The following DNAJC1 variants were observed in gnomAD, a reference collection of about 807,000 sequenced individuals.
DNAJC1 encodes the protein DnaJ heat shock protein family (Hsp40) member C1.
Under a neutral mutation model 76.6 loss-of-function variants are expected in DNAJC1, and 58 were observed. The observed-to-expected ratio is 0.76, with a 90% CI of 0.61 to 0.94. The LOEUF (loss-of-function observed/expected upper bound fraction) is 0.94, where lower values mean the gene tolerates loss of function less well. Among genes scored for constraint, DNAJC1 ranks in the 40% least tolerant of loss-of-function variants. DNAJC1 has a pLI of 0.00. For synonymous variants in DNAJC1, 258 were observed against 267.9 expected (o/e 0.96, Z 0.36); for missense variants, 689 against 677.3 (o/e 1.02, Z -0.19).
intron 7 of DNAJC1, among the ~76,000 whole-genome samples, chr10:21,887,414 G>C (rs962738913): frequency 5.9e-5 from 9 of 152,030 alleles, no homozygotes; most frequent in Non-Finnish European, 1.2e-4. Flanking sequence ...AAATGAAAAA[G>C]AGCCTGAATA....
At chr10:21,802,111 CAT>C (rs1035068153) in intron 9 of DNAJC1, among the ~76,000 whole-genome samples, 31 of 152,146 alleles carry the variant, frequency 2.0e-4, no homozygotes, top group South Asian at 1.7e-3. Context: ...CAAACCTGCA[CAT>C]GTTTTCTAAA....
intron 8 of DNAJC1, among the ~76,000 whole-genome samples, chr10:21,853,782 C>T: frequency 2.1e-5 from 2 of 94,560 alleles, no homozygotes. Flanking sequence ...AATGAGACTC[C>T]ATCTCAAAAA....
At chr10:21,772,999 T>C (rs1834406633) in intron 9 of DNAJC1, among the ~76,000 whole-genome samples, 1 of 152,046 alleles carries the variant, frequency 6.6e-6, no homozygotes, top group Non-Finnish European at 1.5e-5. Context: ...AACCAGATCT[T>C]GTGAGACCTC....
chr10:21,838,276 T>G (rs569434187), intron 8 of DNAJC1, among the ~76,000 whole-genome samples: 1 of 152,364 alleles, frequency 6.6e-6, no homozygotes, highest in South Asian at 2.1e-4. Context: ...TGTTCTGTAC[T>G]AAGAAAAATT....
intron 8 of DNAJC1, among the ~76,000 whole-genome samples, chr10:21,847,513 C>G (rs1371363676): frequency 1.3e-5 from 2 of 152,062 alleles, no homozygotes; most frequent in Admixed American, 6.5e-5. Context: ...GTCACTCTAC[C>G]ATGCCATCAA....
chr10:21,769,561 A>G (rs1190590426), intron 9 of DNAJC1, among the ~76,000 whole-genome samples: 1 of 152,264 alleles, frequency 6.6e-6, no homozygotes, highest in Non-Finnish European at 1.5e-5. Flanking sequence ...ATAGAAGAAG[A>G]AACAAGCCAA....
chr10:21,758,086 C>G (rs66572733), intron 11 of DNAJC1, among the ~76,000 whole-genome samples: 16,656 of 152,134 alleles, frequency 0.11, 1,802 homozygotes, highest in African/African-American at 0.28. Context: ...AACAGCTAAC[C>G]GTTTATTTTT....
chr10:21,967,052 T>C (rs989903144), intron 1 of DNAJC1, among the ~76,000 whole-genome samples: 3 of 151,636 alleles, frequency 2.0e-5, no homozygotes, highest in African/African-American at 7.3e-5. Context: ...CAAAATTTTT[T>C]ACAGTCTTAC....
intron 8 of DNAJC1, among the ~76,000 whole-genome samples, chr10:21,816,691 G>A (rs1270754836): frequency 2.0e-5 from 3 of 150,528 alleles, no homozygotes; most frequent in African/African-American, 7.3e-5. Context: ...AACTACAGGC[G>A]CCACCCACCA....
intron 8 of DNAJC1, among the ~76,000 whole-genome samples, chr10:21,847,722 C>T (rs1039526712): frequency 4.6e-5 from 7 of 152,110 alleles, no homozygotes; most frequent in African/African-American, 1.7e-4. Flanking sequence ...TTAAAATTAA[C>T]ATAACGTCCT....
At chr10:21,906,042 G>A (rs1836740167) in intron 6 of DNAJC1, among the ~76,000 whole-genome samples, 1 of 151,872 alleles carries the variant, frequency 6.6e-6, no homozygotes, top group Non-Finnish European at 1.5e-5. Flanking sequence ...TTTTCCTGGG[G>A]GTCTGTGTCT....
chr10:21,888,226 CA>C (rs1564818008), intron 7 of DNAJC1, among the ~76,000 whole-genome samples: 1 of 152,024 alleles, frequency 6.6e-6, no homozygotes. Context: ...ACTAAAAGGT[CA>C]AAAAATAACA....
intron 7 of DNAJC1, among the ~76,000 whole-genome samples, chr10:21,884,249 T>C (rs1836332383): frequency 6.6e-6 from 1 of 152,084 alleles, no homozygotes; most frequent in South Asian, 2.1e-4. Flanking sequence ...TAGAAAAATA[T>C]AGGCAAAAGG....
At chr10:21,975,573 A>C (rs879620387) in intron 1 of DNAJC1, among the ~76,000 whole-genome samples, 1 of 152,196 alleles carries the variant, frequency 6.6e-6, no homozygotes, top group Non-Finnish European at 1.5e-5. Flanking sequence ...AGAAAGTGCC[A>C]CTAGAGTGGC....
chr10:21,986,604 T>G (rs1057260841), intron 1 of DNAJC1, among the ~76,000 whole-genome samples: 2 of 152,132 alleles, frequency 1.3e-5, no homozygotes, highest in Non-Finnish European at 2.9e-5. Flanking sequence ...GATCATATTT[T>G]TCGTTCTTTA....
chr10:21,912,773 T>A (rs1455621010), intron 6 of DNAJC1, among the ~76,000 whole-genome samples: 1 of 151,860 alleles, frequency 6.6e-6, no homozygotes, highest in Non-Finnish European at 1.5e-5. Context: ...TCCTGCTAAT[T>A]AGCTGTGAAT....
At chr10:21,856,943 T>G (rs1275283729) in intron 8 of DNAJC1, among the ~76,000 whole-genome samples, 1 of 151,980 alleles carries the variant, frequency 6.6e-6, no homozygotes, top group Non-Finnish European at 1.5e-5. Context: ...ACCATGCAGA[T>G]CAGGCTGGTC....
At chr10:21,991,491 T>G (rs566679977) in intron 1 of DNAJC1, among the ~76,000 whole-genome samples, 1 of 152,152 alleles carries the variant, frequency 6.6e-6, no homozygotes, top group East Asian at 1.9e-4. Flanking sequence ...TATAGATAAG[T>G]AACTAGGAAT....
At position 21,999,431 on chromosome 10, in the gene DNAJC1, T is replaced by TC. The variant is rs539992715; in HGVS notation, c.222+3781dup. On this transcript the variant is annotated intron_variant, in intron 1 of 11. Transcript: ENST00000376980. ...TTCCTGCTCTATCTTCTTTGTTGATTCCCCTCCATCTTCTTGACTCTTTTT... is the reference window on the plus strand; with the variant it reads ...TTCCTGCTCTATCTTCTTTGTTGATTCCCCCTCCATCTTCTTGACTCTTTTT... Among the ~76,000 whole-genome samples the TC allele has an allele frequency of 1.8e-3, 269 of 148,342 alleles. 2 individuals carry two copies. The highest frequency in any genetic ancestry group is 0.011 in the Middle Eastern group (3 of 284).
Sources: gnomAD v4.1 joint callset for allele counts (sites outside exome capture counted in the v4.1 genomes callset) on GRCh38, gnomAD v4.1.1 for gene constraint, MANE v1.5 for transcripts, NCBI Gene and HGNC (gene_info 2026-07-23, HGNC 2026-07-21) for gene names.